TPCN1: variants seen among roughly 807,000 people sequenced by gnomAD.
TPCN1 encodes two pore channel protein 1.
TPCN1 carries 52 observed loss-of-function variants against 108.8 expected under a neutral mutation model. That is an observed-to-expected ratio of 0.48 (90% CI 0.38 to 0.60). The LOEUF is 0.60. TPCN1 is among the 20% of genes least tolerant of loss of function. TPCN1 has a pLI of 0.00. For missense variants in TPCN1, 806 were observed against 1,072.8 expected (o/e 0.75, Z 3.47); for synonymous variants, 446 against 433.7 (o/e 1.03, Z -0.35).
rs1265474577 is a variant in TPCN1 at position 113,291,005 on chromosome 12, G to C, written c.1959+7G>C. On this transcript the variant is annotated splice_region_variant and intron_variant, in intron 23 of 27. Coordinates refer to ENST00000335509, the MANE Select transcript of TPCN1 (RefSeq NM_017901.6). ...CAACTGGTACATCATCATGGTAAGA[G>C]CTCGGGCAGCTCTGGGGGTATCTTC... 5.0e-6 allele frequency: 8 copies of C among 1,613,336 alleles called. No individual in the cohort carries two copies. The highest frequency in any genetic ancestry group is 6.8e-6 in the Non-Finnish European group (8 of 1,179,914).
chr12:113,257,318 G>A (rs566030183), intron 2 of TPCN1, among the ~76,000 whole-genome samples: 152 of 152,084 alleles, frequency 1.0e-3, no homozygotes, highest in African/African-American at 3.4e-3. Flanking sequence ...ATGGTGAAAC[G>A]TCTCTACTAA....
At position 113,269,966 on chromosome 12, in the gene TPCN1, G is replaced by C. The variant is rs1266454711; in HGVS notation, c.748+121G>C. 2.9e-6 allele frequency: 3 copies of C among 1,045,332 alleles called. No homozygotes were observed. The highest frequency in any genetic ancestry group is 3.9e-5 in the Admixed American group (2 of 51,852). The allele number at this position is 1,045,332 out of a possible 1,614,324, so 64.8% of individuals were successfully genotyped here. Reference sequence around the variant, plus strand: ...AATCCTAGCATTTTGGGAGGCCAAGGTGGGTGGGTAACCTAGGTCAGGAGT... The same window carrying C: ...AATCCTAGCATTTTGGGAGGCCAAGCTGGGTGGGTAACCTAGGTCAGGAGT... On this transcript the variant is annotated intron_variant, in intron 7 of 27. Transcript: ENST00000335509. The surrounding 1 kb of genome is among the most constrained non-coding windows in gnomAD (Gnocchi z 5.0).
intron 2 of TPCN1, chr12:113,244,769 A>T (rs887165341): frequency 2.0e-6 from 2 of 985,098 alleles, no homozygotes; most frequent in South Asian, 4.7e-5. Flanking sequence ...TGTTTCTGAG[A>T]TGCTGGGAGC....
chr12:113,278,086 T>TCCCA (rs3217307), intron 12 of TPCN1, 103 bp from the exon 13 acceptor site: 77,556 of 935,972 alleles, frequency 0.083, 4,209 homozygotes, highest in East Asian at 0.23. Context: ...CCTCTCTTCC[T>TCCCA]CCCTCACCCC....
rs928770484 is a variant in TPCN1, at chr12:113,269,342, C to G, written c.660-415C>G. On this transcript the variant is annotated intron_variant, in intron 6 of 27. Transcript: ENST00000335509. The surrounding 1 kb of genome is among the most constrained non-coding windows in gnomAD (Gnocchi z 5.0). ...TTTGCAATTCATTCTCTGTGCCCAT[C>G]TGCAAAGCTAGAAACAGGACTCAGT... Among the ~76,000 whole-genome samples, 2 of 152,230 alleles carry G rather than the reference C, an allele frequency of 1.3e-5. No individual in the cohort carries two copies. Among genetic ancestry groups the G allele is most frequent in the Non-Finnish European group, 2.9e-5 (2 of 68,038 alleles).
At chr12:113,230,694 G>A (rs1953655505) in intron 2 of TPCN1, among the ~76,000 whole-genome samples, 1 of 152,148 alleles carries the variant, frequency 6.6e-6, no homozygotes, top group Non-Finnish European at 1.5e-5. Flanking sequence ...GACCTCGAGT[G>A]ATCTATCCGC....
chr12:113,272,135 G>A lies in TPCN1; in HGVS notation c.749-523G>A, dbSNP rs1349768634. 1.3e-5 allele frequency among the ~76,000 whole-genome samples: 2 copies of A among 152,162 alleles called. No individual in the cohort carries two copies. The highest frequency in any genetic ancestry group is 2.9e-5 in the Non-Finnish European group (2 of 68,030). ...CCGGGGGTAGGGGCTGATTTCCCCT[G>A]AGGGCAGAGTTCCTCCCTTTTCCCA... On this transcript the variant is annotated intron_variant, in intron 7 of 27. Transcript: ENST00000335509. This position sits in a 1 kb window ranked among gnomAD's most constrained non-coding sequence, Gnocchi z 4.1.
At chr12:113,248,034 C>T (rs1256713273) in intron 2 of TPCN1, among the ~76,000 whole-genome samples, 1 of 152,228 alleles carries the variant, frequency 6.6e-6, no homozygotes, top group Non-Finnish European at 1.5e-5. Context: ...CTGAATTACT[C>T]TTAACACAAA....
intron 1 of TPCN1, 62 bp from the exon 2 acceptor site, chr12:113,226,666 A>T: frequency 7.9e-7 from 1 of 1,269,118 alleles, no homozygotes; most frequent in Non-Finnish European, 1.1e-6. Context: ...TTCAGAATAG[A>T]TTCATCAGTC....
At chr12:113,244,406 C>G (rs1414148148) in intron 2 of TPCN1, 1 of 985,480 alleles carries the variant, frequency 1.0e-6, no homozygotes, top group African/African-American at 1.7e-5. Flanking sequence ...GGAGCCTTTA[C>G]TAACGTGTGT....
intron 2 of TPCN1, among the ~76,000 whole-genome samples, chr12:113,230,615 T>G (rs1277493644): frequency 6.6e-6 from 1 of 152,190 alleles, no homozygotes; most frequent in Non-Finnish European, 1.5e-5. Context: ...CTTAGTCACC[T>G]TTAAAGGCCC....
At position 113,293,088 on chromosome 12, in the gene TPCN1, C is replaced by T; in HGVS notation, c.2253+15C>T. Reference sequence around the variant, plus strand: ...AGAGATACCAGGTGAGGAGCCCAGGCCCTGGTCCGAAGGAGGGAGGCAGGT... The same window carrying T: ...AGAGATACCAGGTGAGGAGCCCAGGTCCTGGTCCGAAGGAGGGAGGCAGGT... On this transcript the variant is annotated intron_variant, in intron 26 of 27. Transcript: ENST00000335509. The T allele has an allele frequency of 1.2e-6, 2 of 1,607,538 alleles. No individual in the cohort carries two copies. Among genetic ancestry groups the T allele is most frequent in the Non-Finnish European group, 8.5e-7 (1 of 1,176,594 alleles).
Position 113,269,524 on chromosome 12 carries a change from G to A in TPCN1, c.660-233G>A, listed in dbSNP as rs1566177211. Among the ~76,000 whole-genome samples, 1 of 152,140 alleles carries A rather than the reference G, an allele frequency of 6.6e-6. No homozygotes were observed. The highest frequency in any genetic ancestry group is 1.5e-5 in the Non-Finnish European group (1 of 68,034). On this transcript the variant is annotated intron_variant, in intron 6 of 27. Coordinates refer to ENST00000335509, the MANE Select transcript of TPCN1 (RefSeq NM_017901.6). This position sits in a 1 kb window ranked among gnomAD's most constrained non-coding sequence, Gnocchi z 5.0. ...GCTTGCATGGCACTCACCTCCTTGG[G>A]GCCTCACCAGGTGGAGGTGGCTGTG...
At position 113,277,282 on chromosome 12, in the gene TPCN1, C is replaced by A. The variant is rs747906010; in HGVS notation, c.1102C>A (p.Arg368Ser). The A allele has an allele frequency of 1.2e-6, 2 of 1,613,994 alleles. No individual in the cohort carries two copies. Among genetic ancestry groups the A allele is most frequent in the Non-Finnish European group, 1.7e-6 (2 of 1,179,938 alleles). The change falls in exon 12 of 28, where the codon CGC becomes AGC. Residue 368 changes from arginine (R) to serine (S), a missense_variant. Coordinates refer to ENST00000335509, the MANE Select transcript of TPCN1 (RefSeq NM_017901.6). ...ISYRQFEGLM[R>S]FYKPRMSARE... ...CTACAGGCAGTTTGAAGGCCTCATG[C>A]GCTTCTACAAGCCCCGGATGAGTGC...
chr12:113,286,742 C>T (rs1180267273), intron 18 of TPCN1, among the ~76,000 whole-genome samples: 1 of 151,018 alleles, frequency 6.6e-6, no homozygotes, highest in Non-Finnish European at 1.5e-5. Context: ...TGTAGGGGTT[C>T]CCGGGCATTT....
At position 113,273,459 on chromosome 12, in the gene TPCN1, A is replaced by G. The variant is rs2303617; in HGVS notation, c.843-110A>G. The G allele has an allele frequency of 0.082, 102,387 of 1,250,724 alleles. 5,314 individuals are homozygous for G. The highest frequency in any genetic ancestry group is 0.23 in the East Asian group (9,966 of 43,078). 77.5% of individuals were successfully genotyped at this position (1,250,724 alleles called of 1,614,324 possible). On this transcript the variant is annotated intron_variant, in intron 9 of 27. Transcript: ENST00000335509. The surrounding 1 kb of genome is among the most constrained non-coding windows in gnomAD (Gnocchi z 4.0). The stretch of plus-strand genomic sequence containing the variant: ...GCCCAGGGATGAGAGTAGGGGAACC[A>G]GGGTTGGAGGCTGGGAAGGCAGACA...
intron 7 of TPCN1, among the ~76,000 whole-genome samples, chr12:113,271,448 AT>A (rs1206467638): frequency 2.0e-5 from 3 of 152,210 alleles, no homozygotes; most frequent in Non-Finnish European, 4.4e-5. Flanking sequence ...GCACGTCTTT[AT>A]ATTTTACTTC....
intron 1 of TPCN1, among the ~76,000 whole-genome samples, chr12:113,226,507 C>G (rs1314413283): frequency 6.6e-6 from 1 of 152,046 alleles, no homozygotes; most frequent in Non-Finnish European, 1.5e-5. Context: ...GTCTTGAACT[C>G]CTGGCTCAAG....
chr12:113,224,095 G>A (rs1953377483), intron 1 of TPCN1, among the ~76,000 whole-genome samples: 1 of 152,204 alleles, frequency 6.6e-6, no homozygotes, highest in Admixed American at 6.5e-5. Flanking sequence ...ATATATTGAT[G>A]ATTGAAGCTA....
Sources: allele counts gnomAD v4.1 joint callset (sites outside exome capture counted in the v4.1 genomes callset), GRCh38; gene constraint gnomAD v4.1.1; non-coding constraint Gnocchi (gnomAD v3.1); transcripts MANE v1.5; gene names NCBI Gene and HGNC (gene_info 2026-07-23, HGNC 2026-07-21).